Variants in DHX40 observed in about 807,000 individuals in gnomAD.
The protein encoded by DHX40 is DEAH-box helicase 40.
In DHX40, 28 loss-of-function variants were observed where a neutral mutation model predicts 89.6. The ratio of observed to expected loss-of-function variants is 0.31; its 90% CI spans 0.23 to 0.43. The LOEUF is 0.43. Among genes scored for constraint, DHX40 ranks in the 20% least tolerant of loss-of-function variants. DHX40 has a pLI of 1.00. For synonymous variants in DHX40, 226 were observed against 283.6 expected (o/e 0.80, Z 2.04); for missense variants, 457 against 844.0 (o/e 0.54, Z 5.68).
rs1200065001 is a variant in DHX40 at position 59,589,382 on chromosome 17, C to T, written c.1582+1329C>T. ...GACTACAGGCGCCCGCCACAACGCC[C>T]GGCTAATTTTTTGCATTTTTAGTAG... On this transcript the variant is annotated intron_variant, in intron 12 of 17. Coordinates refer to ENST00000251241, the MANE Select transcript of DHX40 (RefSeq NM_024612.5). 4.0e-5 allele frequency among the ~76,000 whole-genome samples: 6 copies of T among 151,282 alleles called. No homozygotes were observed. In the South Asian group the frequency reaches 6.3e-4, roughly 16 times the overall value.
rs1598156556 is a variant in DHX40 at position 59,586,068 on chromosome 17, T to G, written c.1344-85T>G. 8.5e-6 allele frequency: 8 copies of G among 938,572 alleles called. No individual in the cohort carries two copies. In the East Asian group the frequency reaches 2.2e-4, roughly 26 times the overall value. 58.1% of individuals were successfully genotyped at this position (938,572 alleles called of 1,614,324 possible). On this transcript the variant is annotated intron_variant, in intron 10 of 17. Coordinates refer to ENST00000251241, the MANE Select transcript of DHX40 (RefSeq NM_024612.5). Reference sequence around the variant, plus strand: ...GACTTGAAAAATAGAAATAAAACCTTTTAAAGAAATTTTCGTCATGTCTAT... The same window carrying G: ...GACTTGAAAAATAGAAATAAAACCTGTTAAAGAAATTTTCGTCATGTCTAT...
chr17:59,586,277 C>G lies in DHX40; in HGVS notation c.1424+44C>G, dbSNP rs770252784. ...AATCACAATCAAAACAGATATTGAT[C>G]TCTTTTTAAACAGGGCTCTAAATAC... On this transcript the variant is annotated intron_variant, in intron 11 of 17. Transcript: ENST00000251241. 3.5e-6 allele frequency: 5 copies of G among 1,409,788 alleles called. No homozygotes were observed. The African/African-American group carries it at 5.9e-5, about 17-fold the overall frequency. 87.3% of individuals were successfully genotyped at this position (1,409,788 alleles called of 1,614,324 possible).
intron 11 of DHX40, 36 bp downstream of exon 11, chr17:59,586,269 A>T (rs1381535780): frequency 1.1e-5 from 16 of 1,432,674 alleles, no homozygotes; most frequent in African/African-American, 4.4e-5. Context: ...ATCAAAACAG[A>T]TATTGATCTC....
Position 59,586,836 on chromosome 17 carries a change from G to T in DHX40, c.1424+603G>T, listed in dbSNP as rs568848929. 3.7e-3 allele frequency among the ~76,000 whole-genome samples: 557 copies of T among 152,118 alleles called. 4 individuals are homozygous for T. The highest frequency in any genetic ancestry group is 0.012 in the African/African-American group (486 of 41,502). ...CTTGTTTTCATGTTTGTGTGATGGGGTGGTTAGGTTTGATATTAATAATTA... is the reference window on the plus strand; with the variant it reads ...CTTGTTTTCATGTTTGTGTGATGGGTTGGTTAGGTTTGATATTAATAATTA... On this transcript the variant is annotated intron_variant, in intron 11 of 17. Coordinates refer to ENST00000251241, the MANE Select transcript of DHX40 (RefSeq NM_024612.5).
At chr17:59,602,932 T>G (rs2030623612) in intron 15 of DHX40, among the ~76,000 whole-genome samples, 1 of 152,140 alleles carries the variant, frequency 6.6e-6, no homozygotes, top group South Asian at 2.1e-4. Context: ...GCCAAGTAGG[T>G]TGAGCATAGC....
At chr17:59,571,242 G>T (rs2048803231) in intron 3 of DHX40, among the ~76,000 whole-genome samples, 1 of 152,044 alleles carries the variant, frequency 6.6e-6, no homozygotes, top group African/African-American at 2.4e-5. Flanking sequence ...TGGATCACCT[G>T]AGGTCAGGAG....
intron 1 of DHX40, 29 bp downstream of exon 1, chr17:59,565,812 A>G: frequency 6.4e-7 from 1 of 1,563,926 alleles, no homozygotes; most frequent in East Asian, 2.3e-5. Context: ...TACGGAAGCC[A>G]GCGGGAGTTA....
rs373609150 is a variant in DHX40 at position 59,567,207 on chromosome 17, C to T, written c.280+413C>T. 1.4e-4 allele frequency among the ~76,000 whole-genome samples: 22 copies of T among 152,272 alleles called. 2 individuals are homozygous for T. The highest frequency in any genetic ancestry group is 4.8e-4 in the African/African-American group (20 of 41,544). Reference sequence around the variant, plus strand: ...AATATTTATCCCCTGACTTTGCCAGCGCAAGCCAACTAACAAATTACCTTT... The same window carrying T: ...AATATTTATCCCCTGACTTTGCCAGTGCAAGCCAACTAACAAATTACCTTT... On this transcript the variant is annotated intron_variant, in intron 2 of 17. Coordinates refer to ENST00000251241, the MANE Select transcript of DHX40 (RefSeq NM_024612.5).
intron 16 of DHX40, 61 bp from the exon 17 acceptor site, chr17:59,605,385 G>A: frequency 6.5e-7 from 1 of 1,534,404 alleles, no homozygotes. Context: ...TATTTGGTTG[G>A]TTTAATGTGG....
Position 59,607,325 on chromosome 17 carries a change from G to A in DHX40, c.*153G>A. Reference sequence around the variant, plus strand: ...AGCAAATCAAAGCTCATAAATCAAAGCTCATCAGTTCCCATAAATGCAGTT... The same window carrying A: ...AGCAAATCAAAGCTCATAAATCAAAACTCATCAGTTCCCATAAATGCAGTT... On this transcript the variant is annotated 3_prime_UTR_variant, in exon 18 of 18. Coordinates refer to ENST00000251241, the MANE Select transcript of DHX40 (RefSeq NM_024612.5). The A allele has an allele frequency of 6.8e-7, 1 of 1,471,792 alleles. No homozygotes were observed. The allele number at this position is 1,471,792 out of a possible 1,614,324, so 91.2% of individuals were successfully genotyped here.
intron 14 of DHX40, among the ~76,000 whole-genome samples, chr17:59,601,124 G>A (rs1490356242): frequency 2.7e-5 from 4 of 149,118 alleles, no homozygotes; most frequent in African/African-American, 9.9e-5. Context: ...GGGCAACACA[G>A]TGAGACCTTG....
intron 12 of DHX40, among the ~76,000 whole-genome samples, chr17:59,588,344 C>T (rs1465224487): frequency 2.0e-5 from 3 of 150,986 alleles, no homozygotes; most frequent in Non-Finnish European, 4.4e-5. Flanking sequence ...CTCAACCTCC[C>T]ACAGCAATTT....
chr17:59,589,333 C>T lies in DHX40; in HGVS notation c.1582+1280C>T, dbSNP rs544194065. ...GCCTCCCAGATTCGTGCCGTTCTCTCGCCTCAGCCTCCCGAGTAGCTGGGA... is the reference window on the plus strand; with the variant it reads ...GCCTCCCAGATTCGTGCCGTTCTCTTGCCTCAGCCTCCCGAGTAGCTGGGA... On this transcript the variant is annotated intron_variant, in intron 12 of 17. Transcript: ENST00000251241. Among the ~76,000 whole-genome samples, 14 of 147,554 alleles carry T rather than the reference C, an allele frequency of 9.5e-5. No individual in the cohort carries two copies. The South Asian group carries it at 2.1e-3, about 22-fold the overall frequency.
chr17:59,571,518 A>T (rs770270024), intron 3 of DHX40, among the ~76,000 whole-genome samples: 29 of 151,610 alleles, frequency 1.9e-4, no homozygotes, highest in Non-Finnish European at 3.7e-4. Context: ...TACTTTCAGA[A>T]CTTTTTTTAT....
intron 10 of DHX40, 149 bp from the exon 11 acceptor site, chr17:59,586,004 T>C: frequency 3.1e-6 from 2 of 644,592 alleles, no homozygotes; most frequent in East Asian, 5.9e-5. Context: ...TGCCAAATGC[T>C]GATCATGATC....
intron 1 of DHX40, among the ~76,000 whole-genome samples, chr17:59,566,263 G>T (rs1367657324): frequency 6.6e-6 from 1 of 152,170 alleles, no homozygotes; most frequent in Non-Finnish European, 1.5e-5. Flanking sequence ...TAATCCAGCT[G>T]AGAATTTTCT....
rs1258039477 is a variant in DHX40 at position 59,577,377 on chromosome 17, G to A, written c.1073+12G>A. On this transcript the variant is annotated intron_variant, in intron 8 of 17. Coordinates refer to ENST00000251241, the MANE Select transcript of DHX40 (RefSeq NM_024612.5). ...ATAGATGGAATCAGGTAAAACTTTT[G>A]AACTTTCTCTTAAAGTCAAGGAAGC... 6.2e-7 allele frequency: 1 copy of A among 1,608,064 alleles called. No individual in the cohort carries two copies. The highest frequency in any genetic ancestry group is 2.2e-5 in the East Asian group (1 of 44,834).
At chr17:59,606,663 G>A (rs1011006275) in intron 17 of DHX40, among the ~76,000 whole-genome samples, 20 of 151,450 alleles carry the variant, frequency 1.3e-4, no homozygotes, top group Admixed American at 1.1e-3. Flanking sequence ...GGAGAATGGC[G>A]TGAACCCAGG....
intron 12 of DHX40, among the ~76,000 whole-genome samples, chr17:59,592,054 A>G (rs1369516657): frequency 1.3e-5 from 2 of 151,426 alleles, no homozygotes; most frequent in East Asian, 1.9e-4. Flanking sequence ...AATTTTTTGT[A>G]GAGATGAGGT....
Sources: allele counts gnomAD v4.1 joint callset (sites outside exome capture counted in the v4.1 genomes callset), GRCh38; gene constraint gnomAD v4.1.1; transcripts MANE v1.5; gene names NCBI Gene and HGNC (gene_info 2026-07-23, HGNC 2026-07-21).